Variants in IL23R observed in about 807,000 individuals in gnomAD.
IL23R encodes the protein interleukin-23 receptor.
In IL23R, 34 loss-of-function variants were observed where a neutral mutation model predicts 56.9. That is an observed-to-expected ratio of 0.60 (90% CI 0.45 to 0.80). IL23R has a LOEUF of 0.80. IL23R is among the 30% of genes least tolerant of loss of function. The pLI is 0.00. For synonymous variants in IL23R, 230 were observed against 249.2 expected, an observed-to-expected ratio of 0.92 and a Z score of 0.73; for missense variants, 635 against 730.0, an observed-to-expected ratio of 0.87 and a Z score of 1.50.
intron 6 of IL23R, among the ~76,000 whole-genome samples, chr1:67,214,135 A>C (rs544068390): frequency 2.0e-5 from 3 of 152,322 alleles, no homozygotes. Flanking sequence ...CCCACCAGGG[A>C]TAGCCACTGC....
upstream of IL23R, chr1:67,138,873 C>T (rs935959042): frequency 1.3e-5 from 2 of 152,342 alleles, no homozygotes; most frequent in South Asian, 4.1e-4. Flanking sequence ...AACACCCTGA[C>T]CACAGTGACT....
intron 9 of IL23R, among the ~76,000 whole-genome samples, chr1:67,253,630 T>C (rs1426856715): frequency 3.3e-5 from 5 of 152,216 alleles, no homozygotes; most frequent in Non-Finnish European, 7.3e-5. Flanking sequence ...AAATTACACA[T>C]TAATAAACAT....
Position 67,255,881 on chromosome 1 carries a change from A to G in IL23R, c.1193A>G (p.Glu398Gly), listed in dbSNP as rs1652919210. 1 of 1,602,882 alleles carries G rather than the reference A, an allele frequency of 6.2e-7. No homozygotes were observed. The highest frequency in any genetic ancestry group is 8.5e-7 in the Non-Finnish European group (1 of 1,169,982). The stretch of plus-strand genomic sequence containing the variant: ...TTGTTAATACCAAAGTGGCTTTATG[A>G]AGATATTCCTAATATGAAAAACAGC... Reference protein sequence around the residue: ...ILLLIPKWLYEDIPNMKNSNV... With the variant: ...ILLLIPKWLYGDIPNMKNSNV... Residue 398 changes from glutamate to glycine, a missense_variant, in exon 10 of 11, where the codon GAA (glutamate) becomes GGA (glycine). Glu to Gly is a moderately conservative substitution (Grantham distance 98). Transcript: ENST00000347310.
intron 1 of IL23R, among the ~76,000 whole-genome samples, chr1:67,154,907 G>A (rs948546035): frequency 6.6e-6 from 1 of 152,168 alleles, no homozygotes; most frequent in Admixed American, 6.5e-5. Context: ...ATTTTGGCAT[G>A]TTTTTGTAGT....
intron 7 of IL23R, among the ~76,000 whole-genome samples, chr1:67,222,666 T>C (rs10489629): frequency 0.48 from 72,357 of 152,028 alleles, 17,751 homozygotes; most frequent in African/African-American, 0.56. Flanking sequence ...ATGTCAGCCA[T>C]ATTTGGTAGT....
intron 5 of IL23R, among the ~76,000 whole-genome samples, chr1:67,206,156 C>T (rs112394557): frequency 0.011 from 1,671 of 151,088 alleles, 33 homozygotes; most frequent in African/African-American, 0.038. Flanking sequence ...GGGATTGGCA[C>T]GCACCACCAC....
chr1:67,198,564 T>G (rs1451858119), intron 4 of IL23R, among the ~76,000 whole-genome samples: 3 of 152,228 alleles, frequency 2.0e-5, no homozygotes, highest in Non-Finnish European at 4.4e-5. Flanking sequence ...AGATCTTTCC[T>G]CTTTATCTTT....
Position 67,220,486 on chromosome 1 carries a change from T to C in IL23R, c.955+756T>C, listed in dbSNP as rs190808112. 1.4e-3 allele frequency among the ~76,000 whole-genome samples: 206 copies of C among 152,336 alleles called. 1 individual carries two copies. The highest frequency in any genetic ancestry group is 4.8e-3 in the African/African-American group (200 of 41,584). ...ATTGACAAAACTATTCTAGGGCAGA[T>C]GATAACATTTAAATTGTCATTTTGC... On this transcript the variant is annotated intron_variant, in intron 7 of 10. Coordinates refer to ENST00000347310, the MANE Select transcript of IL23R (RefSeq NM_144701.3).
intron 7 of IL23R, among the ~76,000 whole-genome samples, chr1:67,231,561 C>T (rs1472529070): frequency 6.6e-6 from 1 of 151,984 alleles, no homozygotes. Flanking sequence ...AGGACTTGGA[C>T]TGAGTTTCGT....
At chr1:67,148,228 C>G (rs111753838) in intron 1 of IL23R, among the ~76,000 whole-genome samples, 1 of 152,260 alleles carries the variant, frequency 6.6e-6, no homozygotes, top group African/African-American at 2.4e-5. Flanking sequence ...TCTGCGACAA[C>G]GGCAATCAGC....
intron 3 of IL23R, 35 bp downstream of exon 3, chr1:67,169,673 AG>A (rs1371341848): frequency 6.3e-7 from 1 of 1,588,084 alleles, no homozygotes; most frequent in Non-Finnish European, 8.6e-7. Flanking sequence ...TGCAAACAAA[AG>A]CTAGTTTAAC....
chr1:67,262,821 C>G (rs1037512538), downstream of IL23R, among the ~76,000 whole-genome samples: 1 of 152,114 alleles, frequency 6.6e-6, no homozygotes, highest in African/African-American at 2.4e-5. Context: ...AGAGAAAAAG[C>G]CTCTCAAGGT....
At chr1:67,213,713 AC>A (rs1297117709) in intron 6 of IL23R, among the ~76,000 whole-genome samples, 1 of 152,196 alleles carries the variant, frequency 6.6e-6, no homozygotes, top group Admixed American at 6.5e-5. Flanking sequence ...AGGCTATACC[AC>A]CCAGGTTTGT....
chr1:67,200,228 G>C (rs11465794), intron 4 of IL23R, among the ~76,000 whole-genome samples: 1 of 151,710 alleles, frequency 6.6e-6, no homozygotes, highest in South Asian at 2.1e-4. Context: ...ATTTTTGGTA[G>C]AGACAGGGTT....
intron 3 of IL23R, among the ~76,000 whole-genome samples, chr1:67,179,303 T>C (rs1213360391): frequency 6.6e-6 from 1 of 152,222 alleles, no homozygotes; most frequent in East Asian, 1.9e-4. Flanking sequence ...GAGCCTATTA[T>C]TGGCCTATTC....
chr1:67,249,945 C>T lies in IL23R; in HGVS notation c.1149-5892C>T, dbSNP rs1570924949. ...ATTTCAATTTTAATTTATAGAAAAA[C>T]TTAGCAATACCCCTTTATCTTTAGC... is the stretch of plus-strand genomic sequence containing the variant. On this transcript the variant is annotated intron_variant, in intron 9 of 10. Transcript: ENST00000347310. 2.6e-5 allele frequency among the ~76,000 whole-genome samples: 4 copies of T among 152,228 alleles called. No individual in the cohort carries two copies. In the East Asian group the frequency reaches 7.7e-4, roughly 29 times the overall value.
intron 1 of IL23R, among the ~76,000 whole-genome samples, chr1:67,146,996 A>G (rs1324092551): frequency 6.6e-6 from 1 of 152,190 alleles, no homozygotes; most frequent in Non-Finnish European, 1.5e-5. Context: ...CTCTAGGGAA[A>G]GGAATTGTTC....
At chr1:67,165,036 C>G (rs1343379719), upstream of IL23R, among the ~76,000 whole-genome samples, 1 of 152,040 alleles carries the variant, frequency 6.6e-6, no homozygotes, top group African/African-American at 2.4e-5. Context: ...GGTGAGAACC[C>G]ATCTCTACCA....
At chr1:67,233,717 AT>A (rs1249276508) in intron 7 of IL23R, among the ~76,000 whole-genome samples, 1 of 152,134 alleles carries the variant, frequency 6.6e-6, no homozygotes, top group African/African-American at 2.4e-5. Flanking sequence ...ATTAAAGATA[AT>A]TTGGATTTTT....
Sources: allele counts gnomAD v4.1 joint callset (sites outside exome capture counted in the v4.1 genomes callset), GRCh38; gene constraint gnomAD v4.1.1; transcripts MANE v1.5; gene names NCBI Gene and HGNC (gene_info 2026-07-23, HGNC 2026-07-21).